The following RBFOX2 variants were observed in gnomAD, a reference collection of about 807,000 sequenced individuals.
RBFOX2 encodes RNA binding fox-1 homolog 2.
RBFOX2 carries 10 observed loss-of-function variants against 49.1 expected under a neutral mutation model. The observed-to-expected ratio is 0.20, with a 90% CI of 0.13 to 0.35. RBFOX2 has a LOEUF of 0.35. RBFOX2 is among the 10% of genes least tolerant of loss of function. The pLI, the probability that RBFOX2 is intolerant of heterozygous loss-of-function variation, is 1.00. For synonymous variants in RBFOX2, 183 were observed against 187.4 expected, an observed-to-expected ratio of 0.98 and a Z score of 0.19; for missense variants, 323 against 486.9, an observed-to-expected ratio of 0.66 and a Z score of 3.17.
intron 3 of RBFOX2, 82 bp downstream of exon 4, chr22:35,781,518 A>T: frequency 6.7e-7 from 1 of 1,498,196 alleles, no homozygotes; most frequent in Non-Finnish European, 9.1e-7. Flanking sequence ...TTTAATCCTA[A>T]AGTAATAATG....
At chr22:35,780,009 T>C (rs1367664857) in intron 3 of RBFOX2, among the ~76,000 whole-genome samples, 2 of 152,222 alleles carry the variant, frequency 1.3e-5, no homozygotes, top group Non-Finnish European at 2.9e-5. Context: ...TAAGCTCTAA[T>C]AATTCAGTAG....
At chr22:35,742,887 C>T (rs1016691363) in exon 12 of RBFOX2, 3 of 152,754 alleles carry the variant, frequency 2.0e-5, no homozygotes, top group African/African-American at 7.2e-5. Flanking sequence ...CAAAGTGGTC[C>T]GGGTGCTCAG....
At chr22:35,836,642 GA>G (rs1396489607) in intron 1 of RBFOX2, among the ~76,000 whole-genome samples, 1 of 152,216 alleles carries the variant, frequency 6.6e-6, no homozygotes, top group East Asian at 1.9e-4. Flanking sequence ...GCAAAGCACT[GA>G]GCTGTCCAAG....
rs1402148659 is a variant in RBFOX2 at position 35,759,824 on chromosome 22, G to A, written c.887+64C>T. 3 of 1,591,134 alleles carry A rather than the reference G, an allele frequency of 1.9e-6. No individual in the cohort carries two copies. Among genetic ancestry groups the A allele is most frequent in the Non-Finnish European group, 2.6e-6 (3 of 1,161,622 alleles). ...ATCCCAGAAGTTATGAAAGGGCCAT[G>A]GTATTCTTTTTTGGTCCAACTGCTT... is the stretch of plus-strand genomic sequence containing the variant. On this transcript the variant is annotated intron_variant, in intron 9 of 11. Transcript: ENST00000405409. The surrounding 1 kb of genome is among the most constrained non-coding windows in gnomAD (Gnocchi z 4.6).
At chr22:35,879,284 C>T (rs974212362) in intron 1 of RBFOX2, among the ~76,000 whole-genome samples, 1 of 152,108 alleles carries the variant, frequency 6.6e-6, no homozygotes, top group Non-Finnish European at 1.5e-5. Flanking sequence ...AGAAATAATT[C>T]GTACTGGATA....
chr22:35,803,992 T>C (rs990179329), intron 2 of RBFOX2, among the ~76,000 whole-genome samples: 1 of 152,176 alleles, frequency 6.6e-6, no homozygotes, highest in Non-Finnish European at 1.5e-5. Flanking sequence ...TTTTAATTTA[T>C]GTGTTGGCTG....
chr22:35,888,571 G>A (rs2046878189), intron 1 of RBFOX2, among the ~76,000 whole-genome samples: 1 of 152,200 alleles, frequency 6.6e-6, no homozygotes, highest in African/African-American at 2.4e-5. Context: ...GGTTGTGCAA[G>A]AAGTGTGGCA....
intron 1 of RBFOX2, among the ~76,000 whole-genome samples, chr22:35,867,201 T>C (rs2043793882): frequency 6.6e-6 from 1 of 152,196 alleles, no homozygotes; most frequent in Non-Finnish European, 1.5e-5. Context: ...TTCACTACCT[T>C]TCCTGTGATT....
At chr22:35,828,229 A>T (rs1304005594) in intron 1 of RBFOX2, among the ~76,000 whole-genome samples, 2 of 152,202 alleles carry the variant, frequency 1.3e-5, no homozygotes, top group African/African-American at 4.8e-5. Context: ...CACAAAATAC[A>T]TGAAACAACA....
At chr22:35,851,378 A>G (rs2041915186) in intron 1 of RBFOX2, among the ~76,000 whole-genome samples, 1 of 152,240 alleles carries the variant, frequency 6.6e-6, no homozygotes, top group African/African-American at 2.4e-5. Context: ...TATTGTACTA[A>G]GCCCTGGAGA....
intron 1 of RBFOX2, among the ~76,000 whole-genome samples, chr22:35,957,276 T>C (rs2055675383): frequency 6.6e-6 from 1 of 152,176 alleles, no homozygotes; most frequent in African/African-American, 2.4e-5. Context: ...TGTTCCTTAA[T>C]GGGGTGGCCC....
At chr22:35,913,777 A>C (rs1366095942) in intron 1 of RBFOX2, among the ~76,000 whole-genome samples, 1 of 152,080 alleles carries the variant, frequency 6.6e-6, no homozygotes, top group Non-Finnish European at 1.5e-5. Context: ...TCCTCCCTCA[A>C]ACCAGGGATA....
intron 1 of RBFOX2, among the ~76,000 whole-genome samples, chr22:35,931,505 A>G (rs1185179024): frequency 6.6e-6 from 1 of 151,950 alleles, no homozygotes; most frequent in Non-Finnish European, 1.5e-5. Flanking sequence ...CCCGGCATGG[A>G]AGCTTACGGC....
At chr22:35,824,031 C>A (rs1955105154) in intron 1 of RBFOX2, among the ~76,000 whole-genome samples, 1 of 152,076 alleles carries the variant, frequency 6.6e-6, no homozygotes, top group South Asian at 2.1e-4. Flanking sequence ...CACCTGTAAT[C>A]CCAGCTACTC....
chr22:35,770,766 C>T (rs1190379280), intron 4 of RBFOX2, among the ~76,000 whole-genome samples: 1 of 152,148 alleles, frequency 6.6e-6, no homozygotes, highest in Non-Finnish European at 1.5e-5. Flanking sequence ...ACTGCAATTT[C>T]ACAGTCAGCA....
chr22:35,949,399 T>G (rs957503318), intron 1 of RBFOX2, among the ~76,000 whole-genome samples: 11 of 152,216 alleles, frequency 7.2e-5, no homozygotes, highest in African/African-American at 2.7e-4. Flanking sequence ...TGGGTAAATA[T>G]TCAGAAGCAG....
chr22:36,010,234 T>G (rs1368979228), intron 1 of RBFOX2, among the ~76,000 whole-genome samples: 1 of 152,086 alleles, frequency 6.6e-6, no homozygotes, highest in Non-Finnish European at 1.5e-5. Context: ...AACCCATCTC[T>G]CGACTGCTAG....
At chr22:35,855,942 G>T (rs2042461342) in intron 1 of RBFOX2, among the ~76,000 whole-genome samples, 1 of 151,978 alleles carries the variant, frequency 6.6e-6, no homozygotes. Flanking sequence ...AGGAGGTGGA[G>T]GTTGCAGTGA....
intron 1 of RBFOX2, among the ~76,000 whole-genome samples, chr22:35,877,835 T>C (rs568697013): frequency 3.3e-5 from 5 of 151,990 alleles, no homozygotes; most frequent in South Asian, 2.1e-4. Context: ...ATAAATTCTA[T>C]AGTTACTAAG....
Sources: allele counts gnomAD v4.1 joint callset (sites outside exome capture counted in the v4.1 genomes callset), GRCh38; gene constraint gnomAD v4.1.1; non-coding constraint Gnocchi (gnomAD v3.1); transcripts MANE v1.5; gene names NCBI Gene and HGNC (gene_info 2026-07-23, HGNC 2026-07-21).